ZBTB16: variants seen among roughly 807,000 people sequenced by gnomAD.
ZBTB16 encodes the protein zinc finger and BTB domain containing 16.
ZBTB16 carries 8 observed loss-of-function variants against 56.8 expected under a neutral mutation model. The observed-to-expected ratio is 0.14, with a 90% CI of 0.08 to 0.25. The LOEUF (loss-of-function observed/expected upper bound fraction) is 0.25. Among genes scored for constraint, ZBTB16 ranks in the 10% least tolerant of loss-of-function variants. The pLI is 1.00. For missense variants in ZBTB16, 625 were observed against 903.0 expected, an observed-to-expected ratio of 0.69 and a Z score of 3.95; for synonymous variants, 363 against 368.5, an observed-to-expected ratio of 0.98 and a Z score of 0.17.
At chr11:114,073,086 A>G (rs1021863586) in intron 2 of ZBTB16, among the ~76,000 whole-genome samples, 2 of 146,616 alleles carry the variant, frequency 1.4e-5, no homozygotes, top group African/African-American at 5.0e-5. Flanking sequence ...GAGTTGTACC[A>G]GGATTTATGT....
chr11:114,214,172 A>G (rs1386811318), intron 4 of ZBTB16, among the ~76,000 whole-genome samples: 4 of 152,198 alleles, frequency 2.6e-5, no homozygotes, highest in Non-Finnish European at 5.9e-5. Flanking sequence ...CTGGACCCCC[A>G]TAGTAAGGGG....
intron 3 of ZBTB16, among the ~76,000 whole-genome samples, chr11:114,165,189 G>A (rs778215858): frequency 6.6e-6 from 1 of 152,168 alleles, no homozygotes; most frequent in Non-Finnish European, 1.5e-5. Context: ...TCTCCCCAGA[G>A]GGGAGGACTC....
chr11:114,081,345 C>T (rs1939751039), intron 2 of ZBTB16, among the ~76,000 whole-genome samples: 1 of 152,076 alleles, frequency 6.6e-6, no homozygotes, highest in Non-Finnish European at 1.5e-5. Flanking sequence ...TTTTGAGACC[C>T]AAAGATTGCT....
chr11:114,193,619 C>T (rs1378908323), intron 4 of ZBTB16, among the ~76,000 whole-genome samples: 1 of 152,076 alleles, frequency 6.6e-6, no homozygotes, highest in East Asian at 1.9e-4. Context: ...ATCTATTTGC[C>T]CTCTCTGTTC....
At chr11:114,132,932 A>G (rs1380596687) in intron 2 of ZBTB16, among the ~76,000 whole-genome samples, 5 of 152,044 alleles carry the variant, frequency 3.3e-5, no homozygotes, top group Middle Eastern at 3.4e-3. Flanking sequence ...GTGTAAGTAC[A>G]ATCAGAAGGT....
intron 2 of ZBTB16, among the ~76,000 whole-genome samples, chr11:114,074,085 A>C (rs982161635): frequency 6.6e-6 from 1 of 152,178 alleles, no homozygotes; most frequent in Non-Finnish European, 1.5e-5. Context: ...CCTACCTCTC[A>C]ATGTGGTTTT....
At chr11:114,189,237 T>C (rs1943435474) in intron 4 of ZBTB16, 2 of 152,118 alleles carry the variant, frequency 1.3e-5, no homozygotes, top group African/African-American at 4.8e-5. Context: ...TCAAAAAACA[T>C]AAACAAATAA....
chr11:114,087,914 A>G (rs1190823503), intron 2 of ZBTB16, among the ~76,000 whole-genome samples: 1 of 152,202 alleles, frequency 6.6e-6, no homozygotes, highest in Non-Finnish European at 1.5e-5. Context: ...AGCATATGGC[A>G]ACTCAGCAGA....
intron 2 of ZBTB16, chr11:114,121,729 A>G (rs527792580): frequency 1.6e-4 from 71 of 441,514 alleles, no homozygotes; most frequent in South Asian, 1.1e-3. Context: ...GTCTGATCCC[A>G]GATCCCAAAT....
At chr11:114,144,067 A>G (rs886477207) in intron 2 of ZBTB16, among the ~76,000 whole-genome samples, 10 of 151,464 alleles carry the variant, frequency 6.6e-5, no homozygotes, top group Admixed American at 5.9e-4. Context: ...CTTTTATTTT[A>G]TTTTTCCTTT....
chr11:114,161,147 C>G (rs1428987488), intron 3 of ZBTB16, among the ~76,000 whole-genome samples: 1 of 152,160 alleles, frequency 6.6e-6, no homozygotes, highest in African/African-American at 2.4e-5. Flanking sequence ...CAGACACATG[C>G]AGTGACTCAA....
intron 2 of ZBTB16, among the ~76,000 whole-genome samples, chr11:114,080,490 T>A (rs1462648757): frequency 6.6e-6 from 1 of 152,136 alleles, no homozygotes; most frequent in Non-Finnish European, 1.5e-5. Context: ...GTAAACCATA[T>A]TAGAACAGAG....
intron 2 of ZBTB16, among the ~76,000 whole-genome samples, chr11:114,113,007 T>C (rs1220438087): frequency 1.3e-5 from 2 of 152,240 alleles, no homozygotes; most frequent in East Asian, 3.9e-4. Flanking sequence ...ACCTGGGCGC[T>C]CAAGCCATTC....
chr11:114,152,735 G>T (rs547315100), intron 2 of ZBTB16, among the ~76,000 whole-genome samples: 2 of 152,236 alleles, frequency 1.3e-5, no homozygotes, highest in African/African-American at 2.4e-5. Context: ...TCTCAGAGAA[G>T]AGTGTGTGAA....
At chr11:114,068,953 G>A (rs1352326359) in intron 2 of ZBTB16, among the ~76,000 whole-genome samples, 1 of 152,194 alleles carries the variant, frequency 6.6e-6, no homozygotes, top group Non-Finnish European at 1.5e-5. Context: ...GGCTCACGCA[G>A]CTTGGTCTTT....
At chr11:114,241,351 C>T (rs1052972918) in intron 4 of ZBTB16, among the ~76,000 whole-genome samples, 24 of 152,102 alleles carry the variant, frequency 1.6e-4, no homozygotes, top group Non-Finnish European at 1.2e-4. Flanking sequence ...AGTCCCCAAC[C>T]CCCGGGCCAT....
At chr11:114,234,029 T>C (rs1944511082) in intron 4 of ZBTB16, among the ~76,000 whole-genome samples, 1 of 152,240 alleles carries the variant, frequency 6.6e-6, no homozygotes, top group Admixed American at 6.5e-5. Flanking sequence ...CTGAATCAGC[T>C]GCTCAAACTC....
At chr11:114,104,338 T>C (rs1693474263) in intron 2 of ZBTB16, among the ~76,000 whole-genome samples, 1 of 152,182 alleles carries the variant, frequency 6.6e-6, no homozygotes, top group Non-Finnish European at 1.5e-5. Context: ...TTGCCTGCTA[T>C]TGGGGAAAGA....
intron 3 of ZBTB16, among the ~76,000 whole-genome samples, chr11:114,164,999 T>C (rs946769826): frequency 7.2e-5 from 11 of 152,182 alleles, no homozygotes; most frequent in African/African-American, 2.7e-4. Flanking sequence ...CATCTGTCTT[T>C]GTCTCCATCT....
Sources: gnomAD v4.1 joint callset for allele counts (sites outside exome capture counted in the v4.1 genomes callset) on GRCh38, gnomAD v4.1.1 for gene constraint, MANE v1.5 for transcripts, NCBI Gene and HGNC (gene_info 2026-07-23, HGNC 2026-07-21) for gene names.